The following RGS7 variants were observed in gnomAD, a reference collection of about 807,000 sequenced individuals.
RGS7 encodes the protein regulator of G protein signaling 7, also known as regulator of G-protein signaling 7.
Under a neutral mutation model 81.1 loss-of-function variants are expected in RGS7, and 27 were observed. That is an observed-to-expected ratio of 0.33 (90% confidence interval 0.25 to 0.46). RGS7 has a LOEUF of 0.46. Ranked by LOEUF, RGS7 falls within the 20% of genes least tolerant of loss-of-function variation. The probability of loss-of-function intolerance (pLI) is 1.00; values close to 1 mark genes in which losing one functional copy is unlikely to be tolerated. For synonymous variants in RGS7, 208 were observed against 207.7 expected (o/e 1.00, Z -0.01); for missense variants, 396 against 607.4 (o/e 0.65, Z 3.66).
chr1:241,008,160 C>T (rs1430840148), intron 3 of RGS7, among the ~76,000 whole-genome samples: 1 of 151,800 alleles, frequency 6.6e-6, no homozygotes, highest in Admixed American at 6.6e-5. Flanking sequence ...AAAACAATAA[C>T]AAAAACTGTC....
chr1:241,235,778 T>C (rs984371858), intron 2 of RGS7, among the ~76,000 whole-genome samples: 3 of 151,776 alleles, frequency 2.0e-5, no homozygotes, highest in African/African-American at 7.3e-5. Flanking sequence ...TCCACCATTA[T>C]TTTTGCTTAC....
chr1:240,855,104 C>T (rs1660829054), intron 9 of RGS7, among the ~76,000 whole-genome samples: 1 of 151,952 alleles, frequency 6.6e-6, no homozygotes, highest in Non-Finnish European at 1.5e-5. Context: ...AATCAATATT[C>T]AGTATATTGT....
chr1:241,067,935 G>A (rs964241141), intron 3 of RGS7, among the ~76,000 whole-genome samples: 12 of 150,012 alleles, frequency 8.0e-5, no homozygotes, highest in African/African-American at 2.9e-4. Context: ...TAGTTTAGAT[G>A]CATAAGGAAT....
intron 2 of RGS7, among the ~76,000 whole-genome samples, chr1:241,172,101 T>C (rs1283008180): frequency 6.6e-6 from 1 of 152,236 alleles, no homozygotes; most frequent in Non-Finnish European, 1.5e-5. Flanking sequence ...ACATAGCATT[T>C]CTCTGCCAGA....
intron 2 of RGS7, among the ~76,000 whole-genome samples, chr1:241,287,819 C>T (rs952396695): frequency 1.3e-5 from 2 of 152,086 alleles, no homozygotes; most frequent in African/African-American, 4.8e-5. Context: ...CAAGATCTTG[C>T]CCTTTTCTAA....
chr1:241,285,429 GT>G, intron 2 of RGS7, among the ~76,000 whole-genome samples: 1 of 152,272 alleles, frequency 6.6e-6, no homozygotes, highest in Middle Eastern at 3.4e-3. Flanking sequence ...AATATATACA[GT>G]TTTTTATTGT....
At chr1:241,265,812 T>A (rs1209916411) in intron 2 of RGS7, among the ~76,000 whole-genome samples, 2 of 79,938 alleles carry the variant, frequency 2.5e-5, no homozygotes, top group Admixed American at 1.6e-4. Context: ...TTTTTTTTTT[T>A]AGACAGAGTT....
chr1:241,336,060 C>T lies in RGS7; in HGVS notation c.78+19639G>A, dbSNP rs576931594. Among the ~76,000 whole-genome samples the T allele has an allele frequency of 1.7e-4, 26 of 152,068 alleles. No homozygotes were observed. The East Asian group carries it at 3.9e-3, about 23-fold the overall frequency. ...CATCCAACATTTTTTATGAAGAAGACTTTTTTTAAAGATAAGTACTAGTAG... is the reference window on the plus strand; with the variant it reads ...CATCCAACATTTTTTATGAAGAAGATTTTTTTTAAAGATAAGTACTAGTAG... On this transcript the variant is annotated intron_variant, in intron 2 of 18. Coordinates refer to ENST00000440928, the MANE Select transcript of RGS7 (RefSeq NM_001364886.1).
At chr1:241,025,541 C>A (rs1395198829) in intron 3 of RGS7, among the ~76,000 whole-genome samples, 2 of 152,184 alleles carry the variant, frequency 1.3e-5, no homozygotes, top group Admixed American at 1.3e-4. Flanking sequence ...ACTTGGCATG[C>A]CTACTGCCTA....
chr1:240,871,227 T>A (rs1166595032), intron 6 of RGS7, among the ~76,000 whole-genome samples: 1 of 152,230 alleles, frequency 6.6e-6, no homozygotes, highest in African/African-American at 2.4e-5. Flanking sequence ...CTGTTCTAGA[T>A]GCTGAGTAAA....
intron 2 of RGS7, 48 bp from the exon 3 acceptor site, chr1:241,098,810 T>C: frequency 1.4e-6 from 2 of 1,407,862 alleles, no homozygotes; most frequent in Admixed American, 3.5e-5. Context: ...TGAACTTTTT[T>C]GAAAAAAAAT....
At chr1:240,811,539 T>C (rs1269007951) in intron 14 of RGS7, among the ~76,000 whole-genome samples, 1 of 152,248 alleles carries the variant, frequency 6.6e-6, no homozygotes, top group Non-Finnish European at 1.5e-5. Flanking sequence ...TGAGAAGTGA[T>C]ACGCAAAGAT....
At chr1:241,092,112 T>C (rs553780243) in intron 3 of RGS7, among the ~76,000 whole-genome samples, 2 of 152,298 alleles carry the variant, frequency 1.3e-5, no homozygotes, top group South Asian at 2.1e-4. Context: ...TATTATACTG[T>C]AATGTATTTT....
intron 2 of RGS7, among the ~76,000 whole-genome samples, chr1:241,141,174 G>A (rs550880238): frequency 7.2e-5 from 11 of 152,248 alleles, no homozygotes; most frequent in Admixed American, 2.6e-4. Context: ...ATTGCTAACC[G>A]TCTAAATTCT....
chr1:241,220,946 GAA>G, intron 2 of RGS7, among the ~76,000 whole-genome samples: 1 of 105,432 alleles, frequency 9.5e-6, no homozygotes, highest in East Asian at 2.7e-4. Flanking sequence ...AAGGAAGGAA[GAA>G]GCAAGGAAGG....
chr1:241,088,818 T>C (rs867992823), intron 3 of RGS7, among the ~76,000 whole-genome samples: 83 of 151,748 alleles, frequency 5.5e-4, no homozygotes, highest in African/African-American at 1.6e-3. Flanking sequence ...GAGACCATCC[T>C]GGCTAACACA....
At chr1:241,342,090 T>A (rs1195686815) in intron 2 of RGS7, among the ~76,000 whole-genome samples, 1 of 151,842 alleles carries the variant, frequency 6.6e-6, no homozygotes, top group Admixed American at 6.6e-5. Flanking sequence ...GCCAGGCTGG[T>A]CTCAAACTCC....
At chr1:240,998,265 T>C (rs1290535668) in intron 3 of RGS7, among the ~76,000 whole-genome samples, 1 of 152,224 alleles carries the variant, frequency 6.6e-6, no homozygotes, top group Non-Finnish European at 1.5e-5. Flanking sequence ...AGTTTTCAAA[T>C]GTTTATTAAG....
chr1:240,955,316 G>A (rs1032211849), intron 4 of RGS7, among the ~76,000 whole-genome samples: 1 of 152,142 alleles, frequency 6.6e-6, no homozygotes, highest in Non-Finnish European at 1.5e-5. Context: ...GCTTTAGGAG[G>A]CCGAGGCGGG....
Sources: gnomAD v4.1 joint callset for allele counts (sites outside exome capture counted in the v4.1 genomes callset) on GRCh38, gnomAD v4.1.1 for gene constraint, MANE v1.5 for transcripts, NCBI Gene and HGNC (gene_info 2026-07-23, HGNC 2026-07-21) for gene names.